Variants in ZNF536 observed in about 807,000 individuals in gnomAD.
The protein encoded by ZNF536 is zinc finger protein 536.
In ZNF536, 13 loss-of-function variants were observed where a neutral mutation model predicts 84.5. That is an observed-to-expected ratio of 0.15 (90% CI 0.10 to 0.24). The LOEUF (loss-of-function observed/expected upper bound fraction) is 0.24. Ranked by LOEUF, ZNF536 falls within the 10% of genes least tolerant of loss-of-function variation. The pLI is 1.00. For synonymous variants in ZNF536, 811 were observed against 742.5 expected (o/e 1.09, Z -1.50); for missense variants, 1,536 against 1,747.5 (o/e 0.88, Z 2.16).
intron 1 of ZNF536, among the ~76,000 whole-genome samples, chr19:30,260,203 C>A (rs1251096052): frequency 6.6e-6 from 1 of 152,220 alleles, no homozygotes; most frequent in Non-Finnish European, 1.5e-5. Flanking sequence ...GACTTGAATT[C>A]TGGAGAATGC....
Position 30,247,747 on chromosome 19 carries a change from T to G in ZNF536, c.-190+19074T>G, listed in dbSNP as rs185172360. Among the ~76,000 whole-genome samples, 6 of 152,292 alleles carry G rather than the reference T, an allele frequency of 3.9e-5. No homozygotes were observed. In the East Asian group the frequency reaches 1.2e-3, roughly 29 times the overall value. On this transcript the variant is annotated intron_variant, in intron 1 of 5. Coordinates refer to the ZNF536 transcript ENST00000585628. ...GGGAGACTGAGGTGAGAGGATGGCT[T>G]GAACTCAGGAGGTTGAGGCTGTAGT...
chr19:30,619,199 C>CT (rs917087931), intron 1 of ZNF536, among the ~76,000 whole-genome samples: 29 of 151,414 alleles, frequency 1.9e-4, no homozygotes, highest in Admixed American at 1.7e-3. Flanking sequence ...TCTTGCTTAT[C>CT]TTTTTTTTTC....
At chr19:30,569,527 G>A (rs1042645993) in intron 1 of ZNF536, among the ~76,000 whole-genome samples, 3 of 147,742 alleles carry the variant, frequency 2.0e-5, no homozygotes, top group Non-Finnish European at 4.5e-5. Flanking sequence ...TCCTCAGGGA[G>A]CTTGAGATGG....
At chr19:30,428,860 C>A (rs2051326028) in intron 1 of ZNF536, among the ~76,000 whole-genome samples, 2 of 152,318 alleles carry the variant, frequency 1.3e-5, no homozygotes, top group East Asian at 1.9e-4. Context: ...AGTTCAACTG[C>A]AGATGGGTGA....
In ZNF536 at chr19:30,254,539, T is replaced by A. The variant is rs558891535; in HGVS notation, c.-190+25866T>A. 1.2e-3 allele frequency among the ~76,000 whole-genome samples: 180 copies of A among 149,598 alleles called. 1 individual carries two copies. The highest frequency in any genetic ancestry group is 2.9e-3 in the African/African-American group (116 of 40,304). ...GAACCTTTGATTTTTTTTTTTTTTT[T>A]AAAGTCTCTTCCAGAGAGTTGTCTT... On this transcript the variant is annotated intron_variant, in intron 1 of 5. Transcript: ENST00000585628.
intron 1 of ZNF536, among the ~76,000 whole-genome samples, chr19:30,418,187 C>A (rs1208628616): frequency 6.6e-6 from 1 of 151,594 alleles, no homozygotes; most frequent in Non-Finnish European, 1.5e-5. Context: ...AGATTTGTTC[C>A]CTGGCCTATT....
In ZNF536 at chr19:30,690,911, G is replaced by T. The variant is rs192013627; in HGVS notation, c.170-19846G>T. 2.8e-3 allele frequency among the ~76,000 whole-genome samples: 433 copies of T among 151,992 alleles called. 3 individuals carry two copies. The highest frequency in any genetic ancestry group is 4.3e-3 in the Non-Finnish European group (293 of 67,944). On this transcript the variant is annotated intron_variant, in intron 1 of 1. Transcript: ENST00000592773. Reference sequence around the variant, plus strand: ...TTTGTTTTCCTTTTGGCAATGCTTGGTTTTTTTTCTCTTTCATTTTAGCAA... The same window carrying T: ...TTTGTTTTCCTTTTGGCAATGCTTGTTTTTTTTTCTCTTTCATTTTAGCAA...
chr19:30,599,113 C>T lies in ZNF536; in HGVS notation c.169+49599C>T, dbSNP rs1261202877. Among the ~76,000 whole-genome samples the T allele has an allele frequency of 4.6e-5, 6 of 129,278 alleles. No homozygotes were observed. In the East Asian group the frequency reaches 1.5e-3, roughly 33 times the overall value. The allele number at this position is 129,278 out of a possible 152,430, so 84.8% of individuals were successfully genotyped here. ...CTCCTCTCTCTCTCCTTTCCTCCCT[C>T]CCTCCCTCTCTCCCTTCCTCTTCTC... is the stretch of plus-strand genomic sequence containing the variant. On this transcript the variant is annotated intron_variant, in intron 1 of 1. Coordinates refer to the ZNF536 transcript ENST00000592773.
chr19:30,237,656 C>T (rs2023635750), intron 1 of ZNF536, among the ~76,000 whole-genome samples: 1 of 152,084 alleles, frequency 6.6e-6, no homozygotes. Flanking sequence ...TATCATTGAT[C>T]CTGAAGGAGG....
intron 1 of ZNF536, among the ~76,000 whole-genome samples, chr19:30,282,276 C>G (rs937104707): frequency 1.3e-5 from 2 of 152,252 alleles, no homozygotes; most frequent in African/African-American, 4.8e-5. Flanking sequence ...CCACGCAGGT[C>G]AGACACCCTT....
intron 1 of ZNF536, among the ~76,000 whole-genome samples, chr19:30,611,312 G>T (rs956619861): frequency 1.3e-5 from 2 of 152,280 alleles, no homozygotes; most frequent in Admixed American, 6.5e-5. Context: ...GAAATCTCAA[G>T]TGAGGGGGAG....
At chr19:30,471,425 G>C (rs2144637787) in intron 2 of ZNF536, among the ~76,000 whole-genome samples, 1 of 152,350 alleles carries the variant, frequency 6.6e-6, no homozygotes, top group Middle Eastern at 3.4e-3. Flanking sequence ...GGCAGAAATA[G>C]AACATTAAAC....
chr19:30,399,789 G>A (rs977005075), intron 1 of ZNF536, among the ~76,000 whole-genome samples: 1 of 149,750 alleles, frequency 6.7e-6, no homozygotes, highest in Non-Finnish European at 1.5e-5. Context: ...CCGGGTTCAA[G>A]CGATTCTCCT....
chr19:30,610,150 A>G (rs952325792), intron 1 of ZNF536, among the ~76,000 whole-genome samples: 2 of 152,252 alleles, frequency 1.3e-5, no homozygotes, highest in African/African-American at 4.8e-5. Context: ...TTCTAGTGGA[A>G]GTAACAAGCA....
At chr19:30,477,461 ACAG>A (rs2053897564) in intron 2 of ZNF536, among the ~76,000 whole-genome samples, 1 of 152,178 alleles carries the variant, frequency 6.6e-6, no homozygotes, top group African/African-American at 2.4e-5. Flanking sequence ...ATTTTATGAA[ACAG>A]CAACCTCCCA....
chr19:30,355,190 G>T, intron 3 of ZNF536, among the ~76,000 whole-genome samples: 1 of 152,084 alleles, frequency 6.6e-6, no homozygotes, highest in Non-Finnish European at 1.5e-5. Context: ...GATGCATCAT[G>T]GAGCTTTTAC....
rs1436106256 is a variant in ZNF536, at chr19:30,402,800, T to A, written c.-3+30244T>A. ...AAACATTTTTTAAAATTAAAAAATA[T>A]ATATATATATATATATATATATAAT... On this transcript the variant is annotated intron_variant, in intron 1 of 4. Coordinates refer to ENST00000355537, the MANE Select transcript of ZNF536 (RefSeq NM_014717.3). 2.4e-5 allele frequency among the ~76,000 whole-genome samples: 3 copies of A among 124,340 alleles called. No individual in the cohort carries two copies. The East Asian group carries it at 6.2e-4, about 26-fold the overall frequency. 81.6% of individuals were successfully genotyped at this position (124,340 alleles called of 152,430 possible). A position where few individuals can be genotyped will look rare whatever the true frequency, so the allele number is the denominator to read the frequency against.
intron 2 of ZNF536, among the ~76,000 whole-genome samples, chr19:30,497,097 G>A (rs1043253974): frequency 8.5e-5 from 13 of 152,198 alleles, no homozygotes; most frequent in African/African-American, 1.4e-4. Context: ...CCAGAGGAGC[G>A]TCTGCAGGTG....
intron 2 of ZNF536, among the ~76,000 whole-genome samples, chr19:30,511,200 A>AC (rs2055400832): frequency 1.3e-5 from 2 of 151,968 alleles, no homozygotes; most frequent in Non-Finnish European, 2.9e-5. Flanking sequence ...CCCACCAGAC[A>AC]CCTTGCCCAG....
Sources: allele counts gnomAD v4.1 joint callset (sites outside exome capture counted in the v4.1 genomes callset), GRCh38; gene constraint gnomAD v4.1.1; transcripts MANE v1.5; gene names NCBI Gene and HGNC (gene_info 2026-07-23, HGNC 2026-07-21).